Variants in CCNG1 observed in about 807,000 individuals in gnomAD.
The protein encoded by CCNG1 is cyclin G1.
CCNG1 carries 13 observed loss-of-function variants against 30.0 expected under a neutral mutation model. That is an observed-to-expected ratio of 0.43 (90% CI 0.28 to 0.69). CCNG1 has a LOEUF of 0.69. CCNG1 is among the 30% of genes least tolerant of loss of function. The pLI is 0.16. For synonymous variants in CCNG1, 110 were observed against 121.5 expected (o/e 0.91, Z 0.62); for missense variants, 285 against 331.4 (o/e 0.86, Z 1.09).
chr5:163,440,706 C>T (rs1450772852), intron 2 of CCNG1, among the ~76,000 whole-genome samples: 5 of 152,154 alleles, frequency 3.3e-5, no homozygotes, highest in African/African-American at 9.7e-5. Context: ...AAAGAAATGG[C>T]TTATTTTGTA....
the CCNG1 span, chr5:163,457,178 C>T: frequency 1.6e-6 from 2 of 1,273,024 alleles, no homozygotes; most frequent in Non-Finnish European, 2.1e-6. Context: ...CTCACCCAGG[C>T]TGGAGTGCAG....
At chr5:163,454,127 A>T in the CCNG1 span, 1 of 670,834 alleles carries the variant, frequency 1.5e-6, no homozygotes, top group African/African-American at 1.9e-5. Flanking sequence ...AATTGATAAA[A>T]AAGGATATAT....
At chr5:163,445,501 TG>T (rs1364414713), downstream of CCNG1, among the ~76,000 whole-genome samples, 1 of 152,140 alleles carries the variant, frequency 6.6e-6, no homozygotes, top group Non-Finnish European at 1.5e-5. Flanking sequence ...TCACCCAGGC[TG>T]GAGTGCAGTG....
chr5:163,444,327 T>C lies in CCNG1; in HGVS notation c.*657T>C, dbSNP rs1757970395. On this transcript the variant is annotated 3_prime_UTR_variant, in exon 7 of 7. Coordinates refer to ENST00000340828, the MANE Select transcript of CCNG1 (RefSeq NM_004060.4). ...TATTCATTAAGTTATCTTTTAATAT[T>C]TTTTTCTAGAAAACAGGTGACATTT... 1 of 152,578 alleles carries C rather than the reference T, an allele frequency of 6.6e-6. No individual in the cohort carries two copies. Among genetic ancestry groups the C allele is most frequent in the Non-Finnish European group, 1.5e-5 (1 of 67,982 alleles). 9.5% of individuals were successfully genotyped at this position (152,578 alleles called of 1,614,324 possible). A position where few individuals can be genotyped will look rare whatever the true frequency, so the allele number is the denominator to read the frequency against.
downstream of CCNG1, chr5:163,450,293 T>A (rs1316701767): frequency 6.6e-6 from 1 of 152,076 alleles, no homozygotes; most frequent in Admixed American, 6.6e-5. Context: ...CCTCATGACC[T>A]GGGGTTAAGG....
At chr5:163,449,867 T>A (rs1429052630), downstream of CCNG1, 1 of 152,044 alleles carries the variant, frequency 6.6e-6, no homozygotes, top group Non-Finnish European at 1.5e-5. Context: ...TGCAAAAAAA[T>A]AAACCTACCT....
the CCNG1 span, chr5:163,457,068 AT>A: frequency 6.3e-7 from 1 of 1,597,566 alleles, no homozygotes. Flanking sequence ...AATACGAACC[AT>A]TTTTCTGTCC....
rs780259730 is a variant in CCNG1, at chr5:163,441,038, TAG to T, written c.265-37_265-36del. On this transcript the variant is annotated intron_variant, in intron 2 of 6. Coordinates refer to ENST00000340828, the MANE Select transcript of CCNG1 (RefSeq NM_004060.4). ...CCTTTATGTTTTAATTGAAATAAGGTAGAGTCATGGGCTTACTGGTTTTGTTT... is the reference window on the plus strand; with the variant it reads ...CCTTTATGTTTTAATTGAAATAAGGTAGTCATGGGCTTACTGGTTTTGTTT... The T allele has an allele frequency of 1.8e-5, 29 of 1,572,520 alleles. No homozygotes were observed. The Admixed American group carries it at 5.1e-4, about 27-fold the overall frequency.
chr5:163,457,146 T>A, the CCNG1 span: 27 of 1,499,572 alleles, frequency 1.8e-5, no homozygotes, highest in Non-Finnish European at 2.4e-5. Flanking sequence ...GTTGTTTTTT[T>A]TTTTTTTGAG....
downstream of CCNG1, chr5:163,450,733 A>T (rs1055014884): frequency 6.6e-6 from 1 of 152,256 alleles, no homozygotes; most frequent in Non-Finnish European, 1.5e-5. Context: ...AAAAAGATGT[A>T]GCTGCTTTGG....
the CCNG1 span, chr5:163,456,834 C>G: frequency 1.0e-6 from 1 of 957,952 alleles, no homozygotes; most frequent in Non-Finnish European, 1.4e-6. Context: ...ATGTTTGTAA[C>G]TTTTCATAAT....
At position 163,443,683 on chromosome 5, in the gene CCNG1, A is replaced by G. The variant is rs1181212066; in HGVS notation, c.*13A>G. The G allele has an allele frequency of 1.3e-6, 2 of 1,520,130 alleles. No individual in the cohort carries two copies. The highest frequency in any genetic ancestry group is 1.8e-6 in the Non-Finnish European group (2 of 1,133,072). The allele number at this position is 1,520,130 out of a possible 1,614,324, so 94.2% of individuals were successfully genotyped here. On this transcript the variant is annotated 3_prime_UTR_variant, in exon 7 of 7. Coordinates refer to ENST00000340828, the MANE Select transcript of CCNG1 (RefSeq NM_004060.4). ...TTCTTTATTTAAATAGGATTATTAC[A>G]GCACCAAAAAACTTCTCTGAAGCCT...
At chr5:163,447,346 G>A (rs1758061083), downstream of CCNG1, 1 of 151,878 alleles carries the variant, frequency 6.6e-6, no homozygotes, top group African/African-American at 2.4e-5. Context: ...AGGTACTGAG[G>A]AGCCTGAGGT....
the CCNG1 span, chr5:163,452,628 C>G: frequency 6.6e-6 from 1 of 152,114 alleles, no homozygotes; most frequent in African/African-American, 2.4e-5. Flanking sequence ...AAAATAACTA[C>G]AGTGGAGAAG....
intron 1 of CCNG1, among the ~76,000 whole-genome samples, chr5:163,438,972 G>A (rs1757648650): frequency 6.9e-6 from 1 of 145,670 alleles, no homozygotes; most frequent in Admixed American, 7.0e-5. Flanking sequence ...GTTGCAGTGA[G>A]CCAAGATCGT....
chr5:163,456,806 T>C, the CCNG1 span: 5 of 795,520 alleles, frequency 6.3e-6, no homozygotes, highest in Non-Finnish European at 9.0e-6. Context: ...CAATTCACTT[T>C]AAAAATTCTT....
At chr5:163,454,541 A>T in the CCNG1 span, among the ~76,000 whole-genome samples, 1 of 152,050 alleles carries the variant, frequency 6.6e-6, no homozygotes, top group Admixed American at 6.6e-5. Flanking sequence ...GGGTTTCTCC[A>T]TGTTGGTCAG....
chr5:163,442,683 G>A, intron 6 of CCNG1, 115 bp downstream of exon 6: 1 of 795,308 alleles, frequency 1.3e-6, no homozygotes, highest in Non-Finnish European at 2.0e-6. Flanking sequence ...GAATAGTAAA[G>A]GGGGAGATGA....
At chr5:163,441,798 T>C in intron 3 of CCNG1, 88 bp from the exon 4 acceptor site, 2 of 772,646 alleles carry the variant, frequency 2.6e-6, no homozygotes, top group African/African-American at 1.8e-5. Context: ...AGCTTTACTT[T>C]AAAAATTGAC....
Sources: gnomAD v4.1 joint callset for allele counts (sites outside exome capture counted in the v4.1 genomes callset) on GRCh38, gnomAD v4.1.1 for gene constraint, MANE v1.5 for transcripts, NCBI Gene and HGNC (gene_info 2026-07-23, HGNC 2026-07-21) for gene names.